SSBP3: variants seen among roughly 807,000 people sequenced by gnomAD.
SSBP3 encodes single stranded DNA binding protein 3, also known as single-stranded DNA-binding protein 3.
SSBP3 carries 5 observed loss-of-function variants against 69.6 expected under a neutral mutation model. The observed-to-expected ratio is 0.07, with a 90% CI of 0.04 to 0.15. The LOEUF is 0.15. SSBP3 is among the 10% of genes least tolerant of loss of function. The probability of loss-of-function intolerance (pLI) is 1.00; values close to 1 mark genes in which losing one functional copy is unlikely to be tolerated. For missense variants in SSBP3, 312 were observed against 534.0 expected, an observed-to-expected ratio of 0.58 and a Z score of 4.10; for synonymous variants, 196 against 193.4, an observed-to-expected ratio of 1.01 and a Z score of -0.11.
intron 4 of SSBP3, among the ~76,000 whole-genome samples, chr1:54,371,587 C>A (rs2100680712): frequency 6.6e-6 from 1 of 152,338 alleles, no homozygotes; most frequent in South Asian, 2.1e-4. Context: ...CACCCCCAAG[C>A]TACCGCCTCT....
chr1:54,288,801 A>T lies in SSBP3; in HGVS notation c.277-7274T>A, dbSNP rs986069151. Among the ~76,000 whole-genome samples the T allele has an allele frequency of 3.3e-5, 5 of 151,996 alleles. No homozygotes were observed. In the South Asian group the frequency reaches 1.0e-3, roughly 32 times the overall value. ...TGGGAGGCCAAGGTGGGCGGATCACAAGGTCAGGAGATCGAGACCATCCTG... is the reference window on the plus strand; with the variant it reads ...TGGGAGGCCAAGGTGGGCGGATCACTAGGTCAGGAGATCGAGACCATCCTG... On this transcript the variant is annotated intron_variant, in intron 4 of 17. Coordinates refer to ENST00000610401, the Ensembl canonical transcript of SSBP3.
At chr1:54,404,485 A>C (rs1649549081) in intron 3 of SSBP3, 91 bp downstream of exon 3, 3 of 1,494,202 alleles carry the variant, frequency 2.0e-6, no homozygotes, top group Non-Finnish European at 2.8e-6. Context: ...CACAGGGCGG[A>C]GGGCCTGCTC....
intron 5 of SSBP3, among the ~76,000 whole-genome samples, chr1:54,267,801 T>C (rs991109071): frequency 1.3e-5 from 2 of 152,244 alleles, no homozygotes; most frequent in Non-Finnish European, 1.5e-5. Flanking sequence ...CTCTCTCAAG[T>C]TGGAGACTAA....
chr1:54,364,345 TAGAC>T (rs1336593884), intron 4 of SSBP3, among the ~76,000 whole-genome samples: 4 of 152,162 alleles, frequency 2.6e-5, no homozygotes, highest in African/African-American at 9.7e-5. Flanking sequence ...GCTGCCGTAA[TAGAC>T]AGGTTCCAAA....
chr1:54,338,497 T>G (rs1368077482), intron 4 of SSBP3, among the ~76,000 whole-genome samples: 1 of 152,034 alleles, frequency 6.6e-6, no homozygotes, highest in Non-Finnish European at 1.5e-5. Context: ...CCCCACTTTC[T>G]CCACCCGCTA....
At position 54,401,998 on chromosome 1, in the gene SSBP3, A is replaced by T. The variant is rs377465958; in HGVS notation, c.192-53T>A. On this transcript the variant is annotated intron_variant, in intron 3 of 17. Coordinates refer to ENST00000610401, the Ensembl canonical transcript of SSBP3. Reference sequence around the variant, plus strand: ...AGGTTACTAATTATTACTTGTGTACACAAGGGCAAGTGCACGATGCATGGC... The same window carrying T: ...AGGTTACTAATTATTACTTGTGTACTCAAGGGCAAGTGCACGATGCATGGC... 4.5e-5 allele frequency: 69 copies of T among 1,528,938 alleles called. No individual in the cohort carries two copies. The African/African-American group carries it at 9.0e-4, about 20-fold the overall frequency. 94.7% of individuals were successfully genotyped at this position (1,528,938 alleles called of 1,614,324 possible). A position where few individuals can be genotyped will look rare whatever the true frequency, so the allele number is the denominator to read the frequency against.
intron 4 of SSBP3, among the ~76,000 whole-genome samples, chr1:54,316,750 T>C (rs1285304094): frequency 6.6e-6 from 1 of 151,604 alleles, no homozygotes; most frequent in Non-Finnish European, 1.5e-5. Flanking sequence ...TAGTCTGTTC[T>C]TGCTACTATA....
At chr1:54,272,375 A>G (rs1179566974) in intron 5 of SSBP3, among the ~76,000 whole-genome samples, 1 of 151,964 alleles carries the variant, frequency 6.6e-6, no homozygotes, top group Non-Finnish European at 1.5e-5. Flanking sequence ...GAGCTTACTC[A>G]GGGGGTCTAT....
chr1:54,321,067 G>A (rs552547754), intron 4 of SSBP3, among the ~76,000 whole-genome samples: 1 of 152,312 alleles, frequency 6.6e-6, no homozygotes, highest in East Asian at 1.9e-4. Context: ...GTGGCCTAAG[G>A]GAACATGGTA....
intron 4 of SSBP3, among the ~76,000 whole-genome samples, chr1:54,386,671 A>G (rs1260058125): frequency 2.2e-5 from 2 of 89,974 alleles, no homozygotes; most frequent in Non-Finnish European, 4.4e-5. Flanking sequence ...CACAATGTAT[A>G]AACTGATCCT....
At chr1:54,382,312 C>T (rs1237445389) in intron 4 of SSBP3, among the ~76,000 whole-genome samples, 2 of 152,186 alleles carry the variant, frequency 1.3e-5, no homozygotes, top group African/African-American at 4.8e-5. Flanking sequence ...TAGGCTCAAG[C>T]GATCCTCCCA....
intron 4 of SSBP3, among the ~76,000 whole-genome samples, chr1:54,353,261 T>G (rs1569907361): frequency 6.6e-6 from 1 of 152,166 alleles, no homozygotes; most frequent in African/African-American, 2.4e-5. Context: ...GCAGACCCAT[T>G]CTTTCCGTCG....
chr1:54,272,173 G>A (rs1449346645), intron 5 of SSBP3, among the ~76,000 whole-genome samples: 1 of 152,158 alleles, frequency 6.6e-6, no homozygotes, highest in Non-Finnish European at 1.5e-5. Flanking sequence ...AGTGTTTCAG[G>A]GAGAGGTTGC....
intron 4 of SSBP3, chr1:54,287,053 G>C (rs1390190129): frequency 6.6e-6 from 1 of 152,166 alleles, no homozygotes; most frequent in Non-Finnish European, 1.5e-5. Context: ...GGCATTCCCT[G>C]CAAGATACTA....
upstream of SSBP3, among the ~76,000 whole-genome samples, chr1:54,409,988 C>A (rs563455748): frequency 4.3e-4 from 65 of 152,354 alleles, no homozygotes; most frequent in African/African-American, 1.5e-3. Context: ...CAGATCCCCC[C>A]TCTGAACTCC....
intron 4 of SSBP3, 114 bp from the exon 5 acceptor site, chr1:54,281,641 C>A (rs983696659): frequency 4.2e-6 from 4 of 956,256 alleles, no homozygotes; most frequent in Non-Finnish European, 6.6e-6. Context: ...GGACCTTCCT[C>A]ACAGGCCACT....
At chr1:54,311,129 G>A (rs923488055) in intron 4 of SSBP3, among the ~76,000 whole-genome samples, 1 of 152,186 alleles carries the variant, frequency 6.6e-6, no homozygotes, top group African/African-American at 2.4e-5. Flanking sequence ...AAAACAAGGT[G>A]GGGGACACAT....
At chr1:54,276,536 G>A (rs1330175018) in intron 5 of SSBP3, among the ~76,000 whole-genome samples, 2 of 148,876 alleles carry the variant, frequency 1.3e-5, no homozygotes, top group African/African-American at 5.0e-5. Flanking sequence ...ACTTGAACCC[G>A]GGAGGCGGAG....
Position 54,375,336 on chromosome 1 carries a change from C to CTGCATGCA in SSBP3, c.276+26517_276+26524dup, listed in dbSNP as rs537753571. 3.7e-4 allele frequency among the ~76,000 whole-genome samples: 47 copies of CTGCATGCA among 125,808 alleles called. No homozygotes were observed. In the East Asian group the frequency reaches 6.5e-3, roughly 17 times the overall value. 82.5% of individuals were successfully genotyped at this position (125,808 alleles called of 152,430 possible). A position where few individuals can be genotyped will look rare whatever the true frequency, so the allele number is the denominator to read the frequency against. The stretch of plus-strand genomic sequence containing the variant: ...TCATTCCTACTTGGGGGGGATCACA[C>CTGCATGCA]TGCATGCATGCATGCATGCATGCAT... On this transcript the variant is annotated intron_variant, in intron 4 of 17. Transcript: ENST00000610401.
Sources: gnomAD v4.1 joint callset for allele counts (sites outside exome capture counted in the v4.1 genomes callset) on GRCh38, gnomAD v4.1.1 for gene constraint, MANE v1.5 for transcripts, NCBI Gene and HGNC (gene_info 2026-07-23, HGNC 2026-07-21) for gene names.